Variants in DCUN1D1 observed in about 807,000 individuals in gnomAD.
The protein encoded by DCUN1D1 is DCN1-like protein 1.
DCUN1D1 carries 3 observed loss-of-function variants against 39.0 expected under a neutral mutation model. The ratio of observed to expected loss-of-function variants is 0.08; its 90% CI spans 0.04 to 0.20. The LOEUF (loss-of-function observed/expected upper bound fraction) is 0.20, where lower values mean the gene tolerates loss of function less well. Among genes scored for constraint, DCUN1D1 ranks in the 10% least tolerant of loss-of-function variants. DCUN1D1 has a pLI of 1.00. For synonymous variants in DCUN1D1, 82 were observed against 96.3 expected (o/e 0.85, Z 0.87); for missense variants, 158 against 302.4 (o/e 0.52, Z 3.54).
rs547230436 is a variant in DCUN1D1, at chr3:182,942,639, C to T, written c.*2455G>A. On this transcript the variant is annotated 3_prime_UTR_variant, in exon 7 of 7. Coordinates refer to ENST00000292782, the MANE Select transcript of DCUN1D1 (RefSeq NM_020640.4). ...CAAAGAATCAGCATGGGGAGTTTAC[C>T]GGAATGAGGACTGAAACACTTAGGA... The T allele has an allele frequency of 2.6e-5, 4 of 151,714 alleles. No homozygotes were observed. The highest frequency in any genetic ancestry group is 7.3e-5 in the African/African-American group (3 of 41,344). 9.4% of individuals were successfully genotyped at this position (151,714 alleles called of 1,614,324 possible).
At chr3:182,947,109 A>C (rs970988617) in intron 6 of DCUN1D1, 129 bp downstream of exon 6, 4 of 597,840 alleles carry the variant, frequency 6.7e-6, no homozygotes, top group Non-Finnish European at 1.2e-5. Flanking sequence ...CTCAAAAAAA[A>C]CAAAAACAAA....
At chr3:182,981,049 T>A (rs1266614507), upstream of DCUN1D1, 1 of 152,308 alleles carries the variant, frequency 6.6e-6, no homozygotes, top group Non-Finnish European at 1.5e-5. Context: ...TTTCTTCTTT[T>A]TCCCCCCAAT....
In DCUN1D1 at chr3:182,951,229, T is replaced by A. The variant is rs73065098; in HGVS notation, c.521-3597A>T. On this transcript the variant is annotated intron_variant, in intron 4 of 6. Coordinates refer to ENST00000292782, the MANE Select transcript of DCUN1D1 (RefSeq NM_020640.4). ...TTAGTGTGCTTAATTCACTTCACTTTAAATGCTTTAAGTTTATCAGAACTA... is the reference window on the plus strand; with the variant it reads ...TTAGTGTGCTTAATTCACTTCACTTAAAATGCTTTAAGTTTATCAGAACTA... Among the ~76,000 whole-genome samples, 691 of 152,256 alleles carry A rather than the reference T, an allele frequency of 4.5e-3. 9 individuals are homozygous for A. The highest frequency in any genetic ancestry group is 0.016 in the African/African-American group (660 of 41,560).
At chr3:182,964,119 A>G (rs1337358392) in intron 2 of DCUN1D1, 70 bp from the exon 3 acceptor site, 2 of 1,272,916 alleles carry the variant, frequency 1.6e-6, no homozygotes, top group Admixed American at 4.1e-5. Flanking sequence ...GAAAAAGGTA[A>G]TGCTTTATAT....
upstream of DCUN1D1, among the ~76,000 whole-genome samples, chr3:182,982,607 G>A (rs982294427): frequency 1.3e-5 from 2 of 151,998 alleles, no homozygotes; most frequent in Admixed American, 6.6e-5. Flanking sequence ...TCTGCACCCT[G>A]CCTTCTATTT....
chr3:182,974,743 T>C (rs1728125546), intron 1 of DCUN1D1, among the ~76,000 whole-genome samples: 1 of 145,956 alleles, frequency 6.9e-6, no homozygotes, highest in Non-Finnish European at 1.5e-5. Context: ...TGTTGAGTGA[T>C]TCAAAAGTAT....
chr3:182,966,899 G>A (rs993029033), intron 1 of DCUN1D1, among the ~76,000 whole-genome samples: 4 of 152,152 alleles, frequency 2.6e-5, no homozygotes, highest in African/African-American at 9.7e-5. Context: ...CTGAAGTCAG[G>A]AGTTCAAGAC....
At position 182,957,937 on chromosome 3, in the gene DCUN1D1, C is replaced by CAAAAA. The variant is rs34998390; in HGVS notation, c.520+3284_520+3288dup. On this transcript the variant is annotated intron_variant, in intron 4 of 6. Coordinates refer to ENST00000292782, the MANE Select transcript of DCUN1D1 (RefSeq NM_020640.4). The stretch of plus-strand genomic sequence containing the variant: ...TGGGCAACAGAGCAAGACCCTGCAT[C>CAAAAA]AAAAAAAAAAAAAAAAAAAAAAAAC... Among the ~76,000 whole-genome samples, 166 of 66,852 alleles carry CAAAAA rather than the reference C, an allele frequency of 2.5e-3. 4 individuals carry two copies. Among genetic ancestry groups the CAAAAA allele is most frequent in the African/African-American group, 4.5e-3 (70 of 15,514 alleles). 43.9% of individuals were successfully genotyped at this position (66,852 alleles called of 152,430 possible).
chr3:182,963,853 T>C (rs1185644390), intron 3 of DCUN1D1, 28 bp downstream of exon 3: 1 of 1,521,026 alleles, frequency 6.6e-7, no homozygotes, highest in Non-Finnish European at 8.9e-7. Flanking sequence ...GTAACATATC[T>C]AATTTCCTAT....
intron 1 of DCUN1D1, among the ~76,000 whole-genome samples, chr3:182,968,878 G>C (rs1376944980): frequency 6.6e-6 from 1 of 152,182 alleles, no homozygotes; most frequent in Admixed American, 6.6e-5. Context: ...GGGATTACAG[G>C]CATGAGCCAC....
Position 182,978,606 on chromosome 3 carries a change from C to G in DCUN1D1, c.3+1881G>C, listed in dbSNP as rs545704491. 3.3e-5 allele frequency among the ~76,000 whole-genome samples: 5 copies of G among 152,298 alleles called. No homozygotes were observed. In the South Asian group the frequency reaches 8.3e-4, roughly 25 times the overall value. The stretch of plus-strand genomic sequence containing the variant: ...CAGGCTGGTCTCAAACTCCTAGGCT[C>G]TCAAGCAATCCTCCTGCTTCGGTGA... On this transcript the variant is annotated intron_variant, in intron 1 of 6. Coordinates refer to ENST00000292782, the MANE Select transcript of DCUN1D1 (RefSeq NM_020640.4).
At chr3:182,980,657 A>G, upstream of DCUN1D1, 1 of 897,744 alleles carries the variant, frequency 1.1e-6, no homozygotes, top group Non-Finnish European at 1.3e-6. Context: ...AGGCGGAGGG[A>G]CGGAGGCAGG....
upstream of DCUN1D1, among the ~76,000 whole-genome samples, chr3:182,983,601 G>A (rs184061961): frequency 7.7e-4 from 117 of 152,220 alleles, 1 homozygote; most frequent in African/African-American, 2.5e-3. Flanking sequence ...CAGCTAGTCC[G>A]GAGGCTGAGG....
chr3:182,980,276 G>T (rs1330330274), intron 1 of DCUN1D1: 1 of 317,772 alleles, frequency 3.1e-6, no homozygotes, highest in Non-Finnish European at 4.6e-6. Flanking sequence ...CCGCCTCCTC[G>T]GCTCTCGCGT....
chr3:182,983,343 C>T (rs906512406), upstream of DCUN1D1, among the ~76,000 whole-genome samples: 4 of 152,216 alleles, frequency 2.6e-5, no homozygotes, highest in African/African-American at 9.6e-5. Flanking sequence ...CACTTCTACC[C>T]TATGAGCATG....
In DCUN1D1 at chr3:182,947,347, C is replaced by G. The variant is rs1235274997; in HGVS notation, c.604-13G>C. 9 of 1,535,952 alleles carry G rather than the reference C, an allele frequency of 5.9e-6. No homozygotes were observed. Among genetic ancestry groups the G allele is most frequent in the Non-Finnish European group, 8.0e-6 (9 of 1,126,458 alleles). On this transcript the variant is annotated splice_polypyrimidine_tract_variant and intron_variant, in intron 5 of 6. Transcript: ENST00000292782. ...GTTTATGATGTTCCTATTTAAAAAA[C>G]AAAAACAAAATACATTTGTATCACT...
intron 1 of DCUN1D1, among the ~76,000 whole-genome samples, chr3:182,979,115 C>A (rs1353098128): frequency 6.6e-6 from 1 of 152,224 alleles, no homozygotes; most frequent in Non-Finnish European, 1.5e-5. Flanking sequence ...ACTGTTTAGA[C>A]TGCCTGGTGG....
At chr3:182,978,140 A>G (rs556668844) in intron 1 of DCUN1D1, among the ~76,000 whole-genome samples, 12 of 144,046 alleles carry the variant, frequency 8.3e-5, no homozygotes, top group Non-Finnish European at 1.5e-4. Context: ...GGGAGGGAGG[A>G]AGTTAACAGA....
chr3:182,964,516 T>C (rs755163083), intron 2 of DCUN1D1, among the ~76,000 whole-genome samples: 2 of 151,980 alleles, frequency 1.3e-5, no homozygotes, highest in African/African-American at 4.8e-5. Flanking sequence ...ACAATGTAAA[T>C]ATCTCTTGTT....
Sources: allele counts gnomAD v4.1 joint callset (sites outside exome capture counted in the v4.1 genomes callset), GRCh38; gene constraint gnomAD v4.1.1; transcripts MANE v1.5; gene names NCBI Gene and HGNC (gene_info 2026-07-23, HGNC 2026-07-21).